Variants in MYH11 observed in about 807,000 individuals in gnomAD.
MYH11 encodes the protein myosin-11.
Under a neutral mutation model 246.6 loss-of-function variants are expected in MYH11, and 80 were observed. That is an observed-to-expected ratio of 0.32 (90% CI 0.27 to 0.39). The LOEUF (loss-of-function observed/expected upper bound fraction) is 0.39. MYH11 is among the 10% of genes least tolerant of loss of function. MYH11 has a pLI of 1.00. For synonymous variants in MYH11, 1,071 were observed against 1,015.5 expected, an observed-to-expected ratio of 1.05 and a Z score of -1.04; for missense variants, 2,158 against 2,546.8, an observed-to-expected ratio of 0.85 and a Z score of 3.29.
At chr16:15,716,285 G>A (rs532173676) in intron 38 of MYH11, among the ~76,000 whole-genome samples, 2 of 152,062 alleles carry the variant, frequency 1.3e-5, no homozygotes, top group South Asian at 4.2e-4. Context: ...TGTGGTGATC[G>A]TTTTTACATG....
rs374798626 is a variant in MYH11, at chr16:15,704,700, CTGGTGTGAA to C, written c.5787-586_5787-578del. ...TTAAAAGGCGAGACAGCACCCCCTG[CTGGTGTGAA>C]TGTTCATGGACTGAGTTTTCCCCAC... is the stretch of plus-strand genomic sequence containing the variant. On this transcript the variant is annotated intron_variant, in intron 40 of 40. Transcript: ENST00000300036. 4.3e-3 allele frequency among the ~76,000 whole-genome samples: 652 copies of C among 152,312 alleles called. 1 individual carries two copies. Among genetic ancestry groups the C allele is most frequent in the African/African-American group, 0.013 (550 of 41,576 alleles).
chr16:15,732,696 C>T lies in MYH11; in HGVS notation c.3519G>A (p.Glu1173=), dbSNP rs776086847. The part of the protein sequence containing the change: ...ATQQELRAKR[E]QEVTVLKKAL... ...CCTTCTTCAGCACCGTCACCTCCTG[C>T]TCCCTCTTGGCCCTTGGTGGGAGGA... is the stretch of plus-strand genomic sequence containing the variant. The change falls in exon 27 of 41, where the codon GAG becomes GAA. Residue 1173 remains glutamate (E), a synonymous_variant. Transcript: ENST00000300036. 7 of 1,614,240 alleles carry T rather than the reference C, an allele frequency of 4.3e-6. No individual in the cohort carries two copies. Among genetic ancestry groups the T allele is most frequent in the Non-Finnish European group, 5.1e-6 (6 of 1,180,048 alleles).
rs1378450928 is a variant in MYH11, at chr16:15,784,707, AG to A, written c.633+1922del. The A allele has an allele frequency of 1.2e-6, 2 of 1,613,808 alleles. No homozygotes were observed. Among genetic ancestry groups the A allele is most frequent in the Non-Finnish European group, 1.7e-6 (2 of 1,179,874 alleles). On this transcript the variant is annotated intron_variant, in intron 5 of 40. Transcript: ENST00000300036. Reference sequence around the variant, plus strand: ...ACTCTCAGTTACTCACGTAGGCAAAAGATGGGCCTTGCTGTGGTTGAACAAC... The same window carrying A: ...ACTCTCAGTTACTCACGTAGGCAAAAATGGGCCTTGCTGTGGTTGAACAAC...
chr16:15,800,922 C>T (rs1375098129), intron 3 of MYH11, among the ~76,000 whole-genome samples: 1 of 152,024 alleles, frequency 6.6e-6, no homozygotes, highest in East Asian at 1.9e-4. Context: ...TAAAAATAGG[C>T]AGGCCGGGCG....
At chr16:15,818,600 A>C (rs1285999993) in intron 3 of MYH11, among the ~76,000 whole-genome samples, 1 of 151,582 alleles carries the variant, frequency 6.6e-6, no homozygotes, top group Non-Finnish European at 1.5e-5. Flanking sequence ...GTGCCTGGCT[A>C]GTTTTTTTTG....
At position 15,740,248 on chromosome 16, in the gene MYH11, A is replaced by G; in HGVS notation, c.2860-60T>C. On this transcript the variant is annotated intron_variant, in intron 22 of 40. Coordinates refer to ENST00000300036, the MANE Select transcript of MYH11 (RefSeq NM_002474.3). ...TTATAACAGATTTACTCTCGTGGTG[A>G]TCTGGGGACTAATGAATACAGGGGC... 4 of 1,611,436 alleles carry G rather than the reference A, an allele frequency of 2.5e-6. No homozygotes were observed. The Middle Eastern group carries it at 5.4e-4, about 217-fold the overall frequency.
rs1489199463 is a variant in MYH11 at position 15,763,699 on chromosome 16, G to A, written c.1129+97C>T. The A allele has an allele frequency of 2.9e-6, 3 of 1,050,134 alleles. No individual in the cohort carries two copies. In the African/African-American group the frequency reaches 4.7e-5, roughly 16 times the overall value. The allele number at this position is 1,050,134 out of a possible 1,614,324, so 65.1% of individuals were successfully genotyped here. ...TAGTCCAACTGTTGTTAAAATCCCAGATACCTTCACCTTGAAAAATAACCA... is the reference window on the plus strand; with the variant it reads ...TAGTCCAACTGTTGTTAAAATCCCAAATACCTTCACCTTGAAAAATAACCA... On this transcript the variant is annotated intron_variant, in intron 10 of 40. Coordinates refer to ENST00000300036, the MANE Select transcript of MYH11 (RefSeq NM_002474.3).
intron 11 of MYH11, 91 bp from the exon 12 acceptor site, chr16:15,759,819 C>A: frequency 6.6e-7 from 1 of 1,513,334 alleles, no homozygotes; most frequent in Non-Finnish European, 9.0e-7. Context: ...TATTCTTGGC[C>A]GGGTGCAGTG....
chr16:15,850,870 G>A (rs1354561510), intron 1 of MYH11, among the ~76,000 whole-genome samples: 1 of 152,064 alleles, frequency 6.6e-6, no homozygotes, highest in African/African-American at 2.4e-5. Flanking sequence ...ACTCTAGCCT[G>A]GGTGACAGAG....
intron 3 of MYH11, among the ~76,000 whole-genome samples, chr16:15,803,866 G>C (rs1167856143): frequency 6.6e-6 from 1 of 152,154 alleles, no homozygotes; most frequent in Admixed American, 6.5e-5. Context: ...GGGGCTGCTG[G>C]GAGACCTCTG....
chr16:15,815,008 A>G (rs1479055440), intron 3 of MYH11, among the ~76,000 whole-genome samples: 2 of 152,266 alleles, frequency 1.3e-5, no homozygotes, highest in Non-Finnish European at 2.9e-5. Flanking sequence ...ACCTCCAGGC[A>G]GAAGATTTTT....
chr16:15,845,287 AT>A (rs1346817925), intron 1 of MYH11, among the ~76,000 whole-genome samples: 1 of 130,780 alleles, frequency 7.6e-6, no homozygotes, highest in African/African-American at 2.7e-5. Context: ...ACAGTATGAT[AT>A]TTTTTCGCGA....
At chr16:15,728,780 A>T (rs2040873120) in intron 27 of MYH11, among the ~76,000 whole-genome samples, 1 of 151,972 alleles carries the variant, frequency 6.6e-6, no homozygotes, top group Admixed American at 6.6e-5. Context: ...GTCACCTGTA[A>T]TCCCAGCTGC....
At chr16:15,771,161 A>ATT (rs113947945) in intron 9 of MYH11, among the ~76,000 whole-genome samples, 5 of 149,258 alleles carry the variant, frequency 3.3e-5, no homozygotes, top group African/African-American at 1.2e-4. Context: ...GCCCTGGCTA[A>ATT]TTTTTTTTTT....
At chr16:15,775,917 C>T in intron 8 of MYH11, 161 bp downstream of exon 8, 1 of 696,998 alleles carries the variant, frequency 1.4e-6, no homozygotes. Context: ...AAGCCACACT[C>T]ACTCATTGGG....
At position 15,764,207 on chromosome 16, in the gene MYH11, G is replaced by C. The variant is rs527841511; in HGVS notation, c.1034-316C>G. Among the ~76,000 whole-genome samples the C allele has an allele frequency of 5.0e-4, 76 of 152,234 alleles. 1 individual carries two copies. Among genetic ancestry groups the C allele is most frequent in the Non-Finnish European group, 8.2e-4 (56 of 68,026 alleles). On this transcript the variant is annotated intron_variant, in intron 9 of 40. Coordinates refer to ENST00000300036, the MANE Select transcript of MYH11 (RefSeq NM_002474.3). ...TCTGTAACTATTTGCATGCTACACT[G>C]GCAGAGTTAATGAGTTGCAACAAAG...
chr16:15,840,555 G>A (rs1283169602), intron 1 of MYH11, among the ~76,000 whole-genome samples: 1 of 152,048 alleles, frequency 6.6e-6, no homozygotes, highest in East Asian at 1.9e-4. Context: ...AACATAAGAA[G>A]CCCCTGTCTC....
At chr16:15,832,947 T>G (rs1402152009) in intron 2 of MYH11, among the ~76,000 whole-genome samples, 1 of 8,494 alleles carries the variant, frequency 1.2e-4, no homozygotes, top group African/African-American at 1.1e-3. Context: ...CCTCATCTTT[T>G]TTTTTTTTTT....
chr16:15,786,637 C>T lies in MYH11; in HGVS notation c.626G>A (p.Ser209Asn). The change falls in exon 5 of 41, where the codon AGT becomes AAT. Residue 209 changes from serine (S) to asparagine (N), a missense_variant. This residue lies in a region of MYH11 where 123 missense variants were observed against 207.1 expected (regional missense o/e 0.59). Transcript: ENST00000300036. The part of the protein sequence containing the change: ...ASSHKGKKDT[S>N]ITGELEKQLL... ...TTGGGAACTGCCACTCACCGTGATA[C>T]TTGTGTCTTTCTTGCCCTTGTGGGA... 1 of 1,614,094 alleles carries T rather than the reference C, an allele frequency of 6.2e-7. No individual in the cohort carries two copies. The highest frequency in any genetic ancestry group is 8.5e-7 in the Non-Finnish European group (1 of 1,179,974).
Sources: allele counts gnomAD v4.1 joint callset (sites outside exome capture counted in the v4.1 genomes callset), GRCh38; gene constraint gnomAD v4.1.1; regional missense constraint gnomAD v4.1.1; transcripts MANE v1.5; gene names NCBI Gene and HGNC (gene_info 2026-07-23, HGNC 2026-07-21).